Variants in STXBP5L observed in about 807,000 individuals in gnomAD.
STXBP5L encodes the protein syntaxin-binding protein 5-like.
In STXBP5L, 65 loss-of-function variants were observed where a neutral mutation model predicts 144.5. The observed-to-expected ratio is 0.45, with a 90% CI of 0.37 to 0.55. STXBP5L has a LOEUF of 0.55. Among genes scored for constraint, STXBP5L ranks in the 20% least tolerant of loss-of-function variants. The pLI is 0.00. For synonymous variants in STXBP5L, 505 were observed against 469.6 expected (o/e 1.08, Z -0.97); for missense variants, 1,298 against 1,405.5 (o/e 0.92, Z 1.22).
At chr3:121,021,550 G>A (rs1412174284) in intron 3 of STXBP5L, among the ~76,000 whole-genome samples, 1 of 152,010 alleles carries the variant, frequency 6.6e-6, no homozygotes, top group Non-Finnish European at 1.5e-5. Flanking sequence ...TAAGAAAATC[G>A]AAATTATAGC....
chr3:120,944,321 G>A (rs1459838941), intron 2 of STXBP5L, among the ~76,000 whole-genome samples: 1 of 151,094 alleles, frequency 6.6e-6, no homozygotes, highest in Non-Finnish European at 1.5e-5. Flanking sequence ...GGAGAGGGAA[G>A]GAGACATATG....
At chr3:121,248,224 T>C (rs2049918262) in intron 14 of STXBP5L, among the ~76,000 whole-genome samples, 1 of 152,122 alleles carries the variant, frequency 6.6e-6, no homozygotes, top group Admixed American at 6.5e-5. Flanking sequence ...CCACCATGCC[T>C]GGCTAATTTT....
chr3:121,408,768 G>A (rs1403332557), intron 23 of STXBP5L, among the ~76,000 whole-genome samples: 1 of 151,944 alleles, frequency 6.6e-6, no homozygotes, highest in Non-Finnish European at 1.5e-5. Context: ...ATAGGCTTTT[G>A]AACTGAAGTG....
rs940853745 is a variant in STXBP5L, at chr3:120,997,566, G to A, written c.287+42529G>A. On this transcript the variant is annotated intron_variant, in intron 3 of 26. Coordinates refer to ENST00000471454, the MANE Select transcript of STXBP5L (RefSeq NM_001308330.2). The stretch of plus-strand genomic sequence containing the variant: ...TTTTTCATACGCTTGTTGGCCATGT[G>A]TATGTCTTCTTTTGAGTAGCATCTG... 6.6e-5 allele frequency among the ~76,000 whole-genome samples: 10 copies of A among 152,258 alleles called. 1 individual carries two copies. Among genetic ancestry groups the A allele is most frequent in the Admixed American group, 6.5e-4 (10 of 15,284 alleles).
intron 22 of STXBP5L, among the ~76,000 whole-genome samples, chr3:121,399,943 C>A (rs2046831328): frequency 6.6e-6 from 1 of 152,190 alleles, no homozygotes; most frequent in African/African-American, 2.4e-5. Context: ...CTGGGCCCTG[C>A]CCCCAAAGTT....
chr3:121,011,876 G>A (rs948716712), intron 3 of STXBP5L, among the ~76,000 whole-genome samples: 2 of 151,566 alleles, frequency 1.3e-5, no homozygotes, highest in East Asian at 1.9e-4. Flanking sequence ...GTATGTTCAC[G>A]GGGTTGTGCA....
At chr3:121,270,851 G>GA (rs2050715024) in intron 18 of STXBP5L, among the ~76,000 whole-genome samples, 2 of 152,148 alleles carry the variant, frequency 1.3e-5, no homozygotes, top group African/African-American at 4.8e-5. Flanking sequence ...CATGATGAGA[G>GA]TAAATTAAGC....
chr3:121,369,516 G>A (rs2045965734), intron 20 of STXBP5L, among the ~76,000 whole-genome samples: 1 of 151,740 alleles, frequency 6.6e-6, no homozygotes, highest in African/African-American at 2.4e-5. Context: ...CTTTCTTTGG[G>A]GTTGGCCACT....
chr3:121,032,559 A>G (rs926614528), intron 3 of STXBP5L, among the ~76,000 whole-genome samples: 1 of 149,210 alleles, frequency 6.7e-6, no homozygotes, highest in Admixed American at 6.7e-5. Context: ...ACAAAAGCCA[A>G]AATTGACAAA....
In STXBP5L at chr3:121,407,044, C is replaced by A. The variant is rs564085697; in HGVS notation, c.2588-199C>A. On this transcript the variant is annotated intron_variant, in intron 22 of 26. Transcript: ENST00000471454. Reference sequence around the variant, plus strand: ...ATAATGAGAGGGTTTGACCAGTTGACGTCTTAAGTTCCTTTTAGACCTAAC... The same window carrying A: ...ATAATGAGAGGGTTTGACCAGTTGAAGTCTTAAGTTCCTTTTAGACCTAAC... 3.1e-3 allele frequency among the ~76,000 whole-genome samples: 476 copies of A among 151,938 alleles called. 7 individuals carry two copies. Among genetic ancestry groups the A allele is most frequent in the African/African-American group, 0.011 (453 of 41,482 alleles).
At position 121,021,935 on chromosome 3, in the gene STXBP5L, T is replaced by G. The variant is rs1482586633; in HGVS notation, c.288-19765T>G. ...TAACCAATAACAGAGCAGAACTAAA[T>G]GAAATTGAAACTAAAAAATATACAA... On this transcript the variant is annotated intron_variant, in intron 3 of 26. Coordinates refer to ENST00000471454, the MANE Select transcript of STXBP5L (RefSeq NM_001308330.2). Among the ~76,000 whole-genome samples the G allele has an allele frequency of 3.3e-5, 5 of 151,804 alleles. No homozygotes were observed. In the East Asian group the frequency reaches 7.7e-4, roughly 23 times the overall value.
chr3:121,301,732 T>C (rs1048794980), intron 19 of STXBP5L, among the ~76,000 whole-genome samples: 1 of 152,162 alleles, frequency 6.6e-6, no homozygotes, highest in Non-Finnish European at 1.5e-5. Context: ...CAATACCTAA[T>C]TTATTGAGAG....
At chr3:121,270,615 G>C (rs1210322938) in intron 18 of STXBP5L, among the ~76,000 whole-genome samples, 1 of 151,970 alleles carries the variant, frequency 6.6e-6, no homozygotes, top group African/African-American at 2.4e-5. Context: ...ACCACACCCA[G>C]CTAATTTTTG....
At chr3:120,967,754 T>C (rs1939774515) in intron 3 of STXBP5L, among the ~76,000 whole-genome samples, 2 of 152,164 alleles carry the variant, frequency 1.3e-5, no homozygotes, top group South Asian at 4.1e-4. Flanking sequence ...ACAACTTTCT[T>C]CTTAGAACTG....
intron 3 of STXBP5L, among the ~76,000 whole-genome samples, chr3:121,016,760 C>A (rs1945177081): frequency 6.6e-6 from 1 of 152,126 alleles, no homozygotes; most frequent in Non-Finnish European, 1.5e-5. Context: ...TCTGAATAGG[C>A]CTGTATCTAT....
At chr3:120,953,761 G>A (rs1559904680) in intron 2 of STXBP5L, among the ~76,000 whole-genome samples, 1 of 152,020 alleles carries the variant, frequency 6.6e-6, no homozygotes, top group African/African-American at 2.4e-5. Flanking sequence ...CTTGCAGATA[G>A]TTTTAGTTCT....
chr3:121,089,318 C>A (rs1232895260), intron 5 of STXBP5L, among the ~76,000 whole-genome samples: 1 of 151,238 alleles, frequency 6.6e-6, no homozygotes, highest in Non-Finnish European at 1.5e-5. Context: ...TTTCCTTTAC[C>A]TGATAATGTC....
chr3:121,174,705 G>A (rs960945970), intron 9 of STXBP5L, among the ~76,000 whole-genome samples: 1 of 152,148 alleles, frequency 6.6e-6, no homozygotes, highest in Admixed American at 6.6e-5. Flanking sequence ...CAGACATAAG[G>A]TCTTTGTACC....
chr3:121,161,933 ATTT>A (rs1043393143), intron 9 of STXBP5L, among the ~76,000 whole-genome samples: 9 of 152,176 alleles, frequency 5.9e-5, no homozygotes, highest in Non-Finnish European at 8.8e-5. Flanking sequence ...GAAATATGAT[ATTT>A]AAAAATTTAG....
Sources: gnomAD v4.1 joint callset for allele counts (sites outside exome capture counted in the v4.1 genomes callset) on GRCh38, gnomAD v4.1.1 for gene constraint, MANE v1.5 for transcripts, NCBI Gene and HGNC (gene_info 2026-07-23, HGNC 2026-07-21) for gene names.